ZNF804A: variants seen among roughly 807,000 people sequenced by gnomAD.
The protein encoded by ZNF804A is zinc finger protein 804A.
Under a neutral mutation model 16.5 loss-of-function variants are expected in ZNF804A, and 2 were observed. That is an observed-to-expected ratio of 0.12 (90% confidence interval 0.05 to 0.38). The LOEUF (loss-of-function observed/expected upper bound fraction) is 0.38, where lower values mean the gene tolerates loss of function less well. Among genes scored for constraint, ZNF804A ranks in the 10% least tolerant of loss-of-function variants. The pLI, the probability that ZNF804A is intolerant of heterozygous loss-of-function variation, is 0.99. For missense variants in ZNF804A, 1,473 were observed against 1,390.7 expected (o/e 1.06, Z -0.94); for synonymous variants, 534 against 489.6 (o/e 1.09, Z -1.20).
In ZNF804A at chr2:184,819,428, A is replaced by C. The variant is rs577334982; in HGVS notation, c.112-46941A>C. On this transcript the variant is annotated intron_variant, in intron 1 of 3. Coordinates refer to ENST00000302277, the MANE Select transcript of ZNF804A (RefSeq NM_194250.2). ...GGGACACAGCTAAAGTAGTGTTAAGAGGGAAATTTATAGCACTGAATGCCC... is the reference window on the plus strand; with the variant it reads ...GGGACACAGCTAAAGTAGTGTTAAGCGGGAAATTTATAGCACTGAATGCCC... Among the ~76,000 whole-genome samples, 3 of 152,146 alleles carry C rather than the reference A, an allele frequency of 2.0e-5. No individual in the cohort carries two copies. The East Asian group carries it at 5.8e-4, about 30-fold the overall frequency.
chr2:184,606,458 T>C (rs1691147750), intron 1 of ZNF804A, among the ~76,000 whole-genome samples: 1 of 152,096 alleles, frequency 6.6e-6, no homozygotes, highest in African/African-American at 2.4e-5. Context: ...CTTCCCTCCC[T>C]CAACACCTGG....
At chr2:184,644,320 T>C (rs941598539) in intron 1 of ZNF804A, among the ~76,000 whole-genome samples, 2 of 151,750 alleles carry the variant, frequency 1.3e-5, no homozygotes, top group Non-Finnish European at 1.5e-5. Flanking sequence ...TTGAAAATAG[T>C]ATTTATAACC....
chr2:184,751,755 A>C (rs1312537387), intron 1 of ZNF804A, among the ~76,000 whole-genome samples: 1 of 151,860 alleles, frequency 6.6e-6, no homozygotes, highest in African/African-American at 2.4e-5. Flanking sequence ...AATATCCAGA[A>C]CCAACAAGTA....
intron 1 of ZNF804A, among the ~76,000 whole-genome samples, chr2:184,798,160 G>C (rs182104726): frequency 6.6e-6 from 1 of 151,794 alleles, no homozygotes; most frequent in Admixed American, 6.6e-5. Flanking sequence ...TTGTCTGACA[G>C]CTCTTAAGAT....
At chr2:184,845,145 A>C (rs369742336) in intron 1 of ZNF804A, among the ~76,000 whole-genome samples, 1 of 152,056 alleles carries the variant, frequency 6.6e-6, no homozygotes, top group Non-Finnish European at 1.5e-5. Flanking sequence ...AAAACTTAAC[A>C]TATTAATCAT....
chr2:184,659,858 G>C (rs1347596886), intron 1 of ZNF804A, among the ~76,000 whole-genome samples: 6 of 152,226 alleles, frequency 3.9e-5, no homozygotes, highest in Non-Finnish European at 1.5e-5. Context: ...TACAGCTGAA[G>C]TATACGATAG....
chr2:184,922,384 T>C (rs1220430479), intron 2 of ZNF804A, among the ~76,000 whole-genome samples: 2 of 152,142 alleles, frequency 1.3e-5, no homozygotes, highest in Non-Finnish European at 2.9e-5. Context: ...TTCCTGTTTG[T>C]CATTTTTATG....
At chr2:184,640,766 T>C (rs1455683509) in intron 1 of ZNF804A, among the ~76,000 whole-genome samples, 1 of 152,080 alleles carries the variant, frequency 6.6e-6, no homozygotes, top group Non-Finnish European at 1.5e-5. Flanking sequence ...AGAAATAAGT[T>C]TGTACAAAGT....
chr2:184,658,256 G>A (rs1167121148), intron 1 of ZNF804A, among the ~76,000 whole-genome samples: 3 of 152,178 alleles, frequency 2.0e-5, no homozygotes, highest in Non-Finnish European at 4.4e-5. Context: ...GGCCAAGGCT[G>A]GTGGGTCAAT....
intron 1 of ZNF804A, among the ~76,000 whole-genome samples, chr2:184,857,652 C>T (rs946153528): frequency 6.6e-6 from 1 of 152,120 alleles, no homozygotes; most frequent in African/African-American, 2.4e-5. Context: ...TGTATTTACA[C>T]ACTACAATAT....
intron 1 of ZNF804A, among the ~76,000 whole-genome samples, chr2:184,806,134 T>G (rs2105784697): frequency 6.6e-6 from 1 of 152,050 alleles, no homozygotes; most frequent in East Asian, 1.9e-4. Context: ...ACTATTGACT[T>G]TAGAAGCCAA....
intron 1 of ZNF804A, among the ~76,000 whole-genome samples, chr2:184,795,488 A>T (rs1694617104): frequency 1.3e-5 from 2 of 152,124 alleles, no homozygotes; most frequent in African/African-American, 4.8e-5. Flanking sequence ...ACAAACAGAC[A>T]ATCTAAGGTC....
chr2:184,599,541 G>A (rs1359045500), intron 1 of ZNF804A, among the ~76,000 whole-genome samples: 1 of 152,160 alleles, frequency 6.6e-6, no homozygotes, highest in African/African-American at 2.4e-5. Context: ...TTGTATTCCA[G>A]CTCTTTCCTG....
intron 1 of ZNF804A, among the ~76,000 whole-genome samples, chr2:184,733,832 C>T (rs1461902625): frequency 1.3e-5 from 2 of 151,242 alleles, no homozygotes; most frequent in Admixed American, 6.6e-5. Context: ...CTTTATTACT[C>T]TTTTAGTGTT....
chr2:184,758,258 A>T (rs1304755596), intron 1 of ZNF804A, among the ~76,000 whole-genome samples: 5 of 152,004 alleles, frequency 3.3e-5, no homozygotes, highest in Admixed American at 3.3e-4. Context: ...ATATCATTCA[A>T]GATAGCGAAT....
chr2:184,922,862 A>C (rs2105837605), intron 2 of ZNF804A, among the ~76,000 whole-genome samples: 1 of 152,198 alleles, frequency 6.6e-6, no homozygotes, highest in South Asian at 2.1e-4. Context: ...GTTGAAAGTG[A>C]GTTCACTGTA....
At chr2:184,886,424 C>T (rs1684891508) in intron 2 of ZNF804A, among the ~76,000 whole-genome samples, 1 of 152,158 alleles carries the variant, frequency 6.6e-6, no homozygotes, top group Non-Finnish European at 1.5e-5. Flanking sequence ...CAGTGATCTG[C>T]CATTCTGGGA....
intron 1 of ZNF804A, among the ~76,000 whole-genome samples, chr2:184,767,596 A>G (rs1694147755): frequency 6.6e-6 from 1 of 152,146 alleles, no homozygotes; most frequent in Non-Finnish European, 1.5e-5. Context: ...TGTTACATAT[A>G]TTTGCCACAA....
At chr2:184,805,741 C>G (rs542219557) in intron 1 of ZNF804A, among the ~76,000 whole-genome samples, 1 of 151,994 alleles carries the variant, frequency 6.6e-6, no homozygotes, top group East Asian at 1.9e-4. Context: ...AGGAAACGTG[C>G]AAATATTTGA....
Sources: gnomAD v4.1 joint callset for allele counts (sites outside exome capture counted in the v4.1 genomes callset) on GRCh38, gnomAD v4.1.1 for gene constraint, MANE v1.5 for transcripts, NCBI Gene and HGNC (gene_info 2026-07-23, HGNC 2026-07-21) for gene names.